The following KSR1 variants were observed in gnomAD, a reference collection of about 807,000 sequenced individuals.
The protein encoded by KSR1 is kinase suppressor of ras.
KSR1 carries 35 observed loss-of-function variants against 92.9 expected under a neutral mutation model. The observed-to-expected ratio is 0.38, with a 90% CI of 0.29 to 0.50. The LOEUF is 0.50. Among genes scored for constraint, KSR1 ranks in the 20% least tolerant of loss-of-function variants. KSR1 has a pLI of 0.94. For missense variants in KSR1, 972 were observed against 1,158.5 expected, an observed-to-expected ratio of 0.84 and a Z score of 2.34; for synonymous variants, 467 against 472.6, an observed-to-expected ratio of 0.99 and a Z score of 0.15.
In KSR1 at chr17:27,609,939, TG is replaced by T. The variant is rs2073868598; in HGVS notation, c.2226-125del. ...TTTCCCAAGTGCAGGGTCAGTGTTC[TG>T]GGTCTGGGTGTGTTTTCTAAGCTGT... On this transcript the variant is annotated intron_variant, in intron 16 of 20. Transcript: ENST00000644974. The T allele has an allele frequency of 4.2e-6, 5 of 1,192,252 alleles. No individual in the cohort carries two copies. The East Asian group carries it at 9.6e-5, about 23-fold the overall frequency. The allele number at this position is 1,192,252 out of a possible 1,614,324, so 73.9% of individuals were successfully genotyped here.
intron 10 of KSR1, 98 bp downstream of exon 10, chr17:27,597,534 C>A: frequency 8.1e-7 from 1 of 1,237,554 alleles, no homozygotes; most frequent in Non-Finnish European, 1.1e-6. Context: ...GACATGGCCA[C>A]AGCTAAGAGC....
At chr17:27,513,654 C>G (rs1207517824) in intron 1 of KSR1, among the ~76,000 whole-genome samples, 2 of 152,146 alleles carry the variant, frequency 1.3e-5, no homozygotes, top group African/African-American at 4.8e-5. Flanking sequence ...ATGTCTATAC[C>G]CCTTGGGTTG....
At chr17:27,515,206 A>G (rs1469118727) in intron 1 of KSR1, among the ~76,000 whole-genome samples, 1 of 152,250 alleles carries the variant, frequency 6.6e-6, no homozygotes, top group East Asian at 1.9e-4. Context: ...ATGTATTTTA[A>G]TCATTTTAAT....
At chr17:27,571,850 A>C (rs2072321819) in intron 2 of KSR1, among the ~76,000 whole-genome samples, 1 of 152,212 alleles carries the variant, frequency 6.6e-6, no homozygotes, top group Non-Finnish European at 1.5e-5. Context: ...GGTCCACCTG[A>C]CTGGCCACAG....
chr17:27,557,719 TAGA>T (rs2071659168), intron 2 of KSR1, among the ~76,000 whole-genome samples: 1 of 152,110 alleles, frequency 6.6e-6, no homozygotes, highest in South Asian at 2.1e-4. Context: ...AAGCCTAGAG[TAGA>T]AGGAGTTCTG....
intron 12 of KSR1, 72 bp downstream of exon 12, chr17:27,603,960 A>C (rs1376455307): frequency 6.9e-7 from 1 of 1,446,176 alleles, no homozygotes; most frequent in Non-Finnish European, 9.7e-7. Context: ...ATCCCTGGCC[A>C]CCTCCCACTC....
rs778589650 is a variant in KSR1, at chr17:27,617,369, G to A, written c.2568G>A (p.Glu856=). The A allele has an allele frequency of 9.3e-6, 15 of 1,613,100 alleles. 1 individual carries two copies. In the South Asian group the frequency reaches 1.6e-4, roughly 18 times the overall value. ...PSFSLLMDML[E]KLPKLNRRLS... ...TCAGCCTGCTGATGGACATGCTGGA[G>A]AAACTTCCCAAGCTGAACCGGCGGC... Residue 856 remains glutamate (E), a synonymous_variant, in exon 19 of 21, where the codon GAG becomes GAA. Transcript: ENST00000644974.
chr17:27,518,321 CACTTAAT>C (rs2069881408), intron 1 of KSR1, among the ~76,000 whole-genome samples: 1 of 152,160 alleles, frequency 6.6e-6, no homozygotes, highest in Non-Finnish European at 1.5e-5. Context: ...TTTCTCAATC[CACTTAAT>C]ACTGGGTGGA....
chr17:27,502,854 G>T (rs2069241426), intron 1 of KSR1, among the ~76,000 whole-genome samples: 1 of 152,206 alleles, frequency 6.6e-6, no homozygotes, highest in African/African-American at 2.4e-5. Context: ...TTGGCTCTCT[G>T]AAAAAGAAAT....
At chr17:27,526,745 A>G in intron 1 of KSR1, 1 of 1,242,664 alleles carries the variant, frequency 8.0e-7, no homozygotes, top group Non-Finnish European at 1.2e-6. Context: ...TGGAAAACGT[A>G]TGAACTCTTT....
intron 1 of KSR1, chr17:27,526,745 ATGAACTCTT>A: frequency 8.0e-7 from 1 of 1,242,664 alleles, no homozygotes; most frequent in Non-Finnish European, 1.2e-6. Flanking sequence ...TGGAAAACGT[ATGAACTCTT>A]TCTCATCATC....
At chr17:27,493,320 A>G (rs529921493) in intron 1 of KSR1, among the ~76,000 whole-genome samples, 1 of 152,346 alleles carries the variant, frequency 6.6e-6, no homozygotes, top group East Asian at 1.9e-4. Context: ...CTTGCTTTTC[A>G]GGACAGAGAG....
Position 27,615,458 on chromosome 17 carries a change from T to C in KSR1, c.2494-1837T>C, listed in dbSNP as rs184326498. Among the ~76,000 whole-genome samples, 670 of 152,368 alleles carry C rather than the reference T, an allele frequency of 4.4e-3. 5 individuals carry two copies. Among genetic ancestry groups the C allele is most frequent in the Non-Finnish European group, 5.7e-3 (391 of 68,028 alleles). Reference sequence around the variant, plus strand: ...TCACATTTGGACCATGGCTTTCTTGTGCAGTTTAGGTTTTTCCTGTAGTTT... The same window carrying C: ...TCACATTTGGACCATGGCTTTCTTGCGCAGTTTAGGTTTTTCCTGTAGTTT... On this transcript the variant is annotated intron_variant, in intron 18 of 20. Transcript: ENST00000644974.
At chr17:27,580,628 C>T (rs2072715246) in intron 3 of KSR1, among the ~76,000 whole-genome samples, 1 of 152,130 alleles carries the variant, frequency 6.6e-6, no homozygotes, top group Non-Finnish European at 1.5e-5. Context: ...GCTCTCTGGC[C>T]TTGGGCAGTG....
intron 14 of KSR1, 56 bp from the exon 15 acceptor site, chr17:27,607,858 T>C: frequency 7.7e-7 from 1 of 1,305,112 alleles, no homozygotes; most frequent in South Asian, 1.3e-5. Flanking sequence ...CCACCAGGGT[T>C]GGGGTCAGGC....
intron 2 of KSR1, among the ~76,000 whole-genome samples, chr17:27,563,217 C>T (rs1211887044): frequency 1.3e-5 from 2 of 152,172 alleles, no homozygotes; most frequent in African/African-American, 4.8e-5. Context: ...TTAGCAAATC[C>T]GGTTATGTTA....
At chr17:27,504,284 T>G (rs1158164185) in intron 1 of KSR1, among the ~76,000 whole-genome samples, 4 of 152,220 alleles carry the variant, frequency 2.6e-5, no homozygotes, top group Non-Finnish European at 5.9e-5. Flanking sequence ...CAGCCGGCCA[T>G]TCTTACCCAC....
chr17:27,605,515 T>C lies in KSR1; in HGVS notation c.1696T>C (p.Trp566Arg). 5 of 1,600,236 alleles carry C rather than the reference T, an allele frequency of 3.1e-6. No individual in the cohort carries two copies. The South Asian group carries it at 4.5e-5, about 14-fold the overall frequency. ...CGACTTGCCGAGCTCTCGCCGGCCC[T>C]GGCGGGGCCCCATCTCTCGCAAGGC... ...VDDLPSSRRP[W>R]RGPISRKASQ... The change falls in exon 14 of 21, where the codon TGG (tryptophan) becomes CGG (arginine). Residue 566 changes from tryptophan to arginine, a missense_variant. By Grantham distance (101) the Trp-to-Arg change is moderately radical. This residue lies in a region of KSR1 where 611 missense variants were observed against 668.0 expected (regional missense o/e 0.91). Coordinates refer to ENST00000644974, the MANE Select transcript of KSR1 (RefSeq NM_001394583.1).
chr17:27,527,401 C>G (rs985768746), intron 1 of KSR1, among the ~76,000 whole-genome samples: 1 of 116,970 alleles, frequency 8.5e-6, no homozygotes, highest in Non-Finnish European at 1.9e-5. Flanking sequence ...GCCCCCCCCC[C>G]CCCCTTTTTT....
Sources: gnomAD v4.1 joint callset for allele counts (sites outside exome capture counted in the v4.1 genomes callset) on GRCh38, gnomAD v4.1.1 for gene constraint, gnomAD v4.1.1 regional missense constraint, MANE v1.5 for transcripts, NCBI Gene and HGNC (gene_info 2026-07-23, HGNC 2026-07-21) for gene names.